Variants in CRACR2A observed in about 807,000 individuals in gnomAD.
CRACR2A encodes calcium release activated channel regulator 2A.
A neutral mutation model predicts 90.5 loss-of-function variants in CRACR2A; 79 were observed. That is an observed-to-expected ratio of 0.87 (90% CI 0.73 to 1.05). CRACR2A has a LOEUF of 1.05. Among genes scored for constraint, CRACR2A ranks in the 50% least tolerant of loss-of-function variants. The probability of loss-of-function intolerance (pLI) is 0.00; values close to 1 mark genes in which losing one functional copy is unlikely to be tolerated. For missense variants in CRACR2A, 823 were observed against 897.2 expected, an observed-to-expected ratio of 0.92 and a Z score of 1.06; for synonymous variants, 338 against 356.7, an observed-to-expected ratio of 0.95 and a Z score of 0.59.
At chr12:3,682,893 C>G (rs551735130) in intron 4 of CRACR2A, among the ~76,000 whole-genome samples, 34 of 152,070 alleles carry the variant, frequency 2.2e-4, no homozygotes, top group African/African-American at 7.0e-4. Context: ...AGTGATTCTC[C>G]TGCCACAGCC....
intron 2 of CRACR2A, among the ~76,000 whole-genome samples, chr12:3,719,037 G>A (rs1227532477): frequency 6.6e-6 from 1 of 152,176 alleles, no homozygotes; most frequent in Admixed American, 6.5e-5. Context: ...AGGGGAATTT[G>A]CTCAGGAGGC....
chr12:3,653,263 G>T (rs1294998569), intron 10 of CRACR2A, among the ~76,000 whole-genome samples: 1 of 152,200 alleles, frequency 6.6e-6, no homozygotes, highest in Non-Finnish European at 1.5e-5. Flanking sequence ...TTACAGGCGT[G>T]AGCCACCGCG....
At chr12:3,638,044 C>G in intron 14 of CRACR2A, 80 bp downstream of exon 14, 1 of 1,394,226 alleles carries the variant, frequency 7.2e-7, no homozygotes, top group South Asian at 1.5e-5. Flanking sequence ...CCTGAGCTGC[C>G]TCTCCGGGCG....
chr12:3,667,836 C>T (rs553755054), intron 7 of CRACR2A, among the ~76,000 whole-genome samples: 2 of 152,318 alleles, frequency 1.3e-5, no homozygotes, highest in South Asian at 2.1e-4. Context: ...CTCACACACA[C>T]GTGGGCGCAT....
intron 3 of CRACR2A, among the ~76,000 whole-genome samples, chr12:3,712,598 G>T (rs140614746): frequency 6.6e-6 from 1 of 152,112 alleles, no homozygotes; most frequent in African/African-American, 2.4e-5. Flanking sequence ...CCATTCATGA[G>T]GATTCACCCC....
chr12:3,728,625 T>C (rs1591716321), intron 2 of CRACR2A: 2 of 152,384 alleles, frequency 1.3e-5, no homozygotes, highest in South Asian at 4.1e-4. Context: ...ATTTCTTCAG[T>C]AGGGAAGAGG....
chr12:3,711,519 CAT>C lies in CRACR2A; in HGVS notation c.-37+1716_-37+1717del, dbSNP rs1229445045. ...TGGCCTTTCCTCTAGTGTCTAATAA[CAT>C]GTTCTTCATTTTCATCCGAGACCTC... On this transcript the variant is annotated intron_variant, in intron 3 of 19. Transcript: ENST00000440314. This position sits in a 1 kb window ranked among gnomAD's most constrained non-coding sequence, Gnocchi z 4.3. Among the ~76,000 whole-genome samples, 5 of 152,200 alleles carry C rather than the reference CAT, an allele frequency of 3.3e-5. No homozygotes were observed. The highest frequency in any genetic ancestry group is 6.5e-5 in the Admixed American group (1 of 15,280).
intron 2 of CRACR2A, among the ~76,000 whole-genome samples, chr12:3,719,537 T>C (rs1217131085): frequency 6.6e-6 from 1 of 152,220 alleles, no homozygotes; most frequent in Admixed American, 6.5e-5. Context: ...AATCAATGAT[T>C]TGTTTAAGGG....
chr12:3,644,714 A>C, intron 11 of CRACR2A, 74 bp from the exon 12 acceptor site: 1 of 1,375,262 alleles, frequency 7.3e-7, no homozygotes, highest in South Asian at 1.2e-5. Flanking sequence ...CCAATTTGCT[A>C]TTCAGATGGG....
Position 3,697,002 on chromosome 12 carries a change from C to G in CRACR2A, c.-3G>C. 2 of 1,606,656 alleles carry G rather than the reference C, an allele frequency of 1.2e-6. No individual in the cohort carries two copies. The highest frequency in any genetic ancestry group is 1.7e-5 in the Admixed American group (1 of 58,874). ...ACCCTCCCGTCAGGGGCAGCCATCG[C>G]GATTAGTCAGTTTCTTGAAGTCTTT... On this transcript the variant is annotated 5_prime_UTR_variant, in exon 4 of 20. Coordinates refer to ENST00000440314, the MANE Select transcript of CRACR2A (RefSeq NM_001144958.2).
At chr12:3,677,039 G>A (rs779276981) in intron 6 of CRACR2A, among the ~76,000 whole-genome samples, 4 of 151,946 alleles carry the variant, frequency 2.6e-5, no homozygotes, top group African/African-American at 4.8e-5. Context: ...CTGCCAAATC[G>A]CTTAGCCAAT....
Position 3,640,522 on chromosome 12 carries a change from A to G in CRACR2A, c.1271+1210T>C. On this transcript the variant is annotated intron_variant, in intron 13 of 19. Transcript: ENST00000440314. ...TCAGTAAACGTCTGCTGAATCAATC[A>G]ATCAATCCATTCCATTCTGAGGAAC... 3 of 1,221,314 alleles carry G rather than the reference A, an allele frequency of 2.5e-6. No individual in the cohort carries two copies. The South Asian group carries it at 4.4e-5, about 18-fold the overall frequency. The allele number at this position is 1,221,314 out of a possible 1,614,324, so 75.7% of individuals were successfully genotyped here.
chr12:3,694,927 A>C (rs953638449), intron 4 of CRACR2A, among the ~76,000 whole-genome samples: 2 of 152,212 alleles, frequency 1.3e-5, no homozygotes, highest in Non-Finnish European at 1.5e-5. Context: ...TCCTGCCTGG[A>C]TCAGGAGTGA....
chr12:3,684,152 A>G (rs1461012196), intron 4 of CRACR2A, among the ~76,000 whole-genome samples: 2 of 152,218 alleles, frequency 1.3e-5, no homozygotes, highest in Admixed American at 1.3e-4. Flanking sequence ...GGAAAAAATC[A>G]GAGGATATCC....
chr12:3,616,965 G>A lies in CRACR2A; in HGVS notation c.2100C>T (p.Leu700=), dbSNP rs1484275618. The A allele has an allele frequency of 1.3e-6, 2 of 1,551,224 alleles. No individual in the cohort carries two copies. Among genetic ancestry groups the A allele is most frequent in the Non-Finnish European group, 1.7e-6 (2 of 1,146,658 alleles). ...YSGHNTKESL[L]HLARFLKEQE... is the part of the protein sequence containing the mutation. ...GCACATCTCTTTACCTGGCCAGATGGAGCAGGGACTCTTTGGTGTTGTGAC... is the reference window on the plus strand; with the variant it reads ...GCACATCTCTTTACCTGGCCAGATGAAGCAGGGACTCTTTGGTGTTGTGAC... Residue 700 remains leucine, a synonymous_variant, in exon 19 of 20, where the codon CTC becomes CTT. Transcript: ENST00000440314.
At chr12:3,689,279 A>G (rs1591688957) in intron 4 of CRACR2A, among the ~76,000 whole-genome samples, 1 of 152,182 alleles carries the variant, frequency 6.6e-6, no homozygotes, top group South Asian at 2.1e-4. Flanking sequence ...CTGGTTTTCA[A>G]GGGGAATGCT....
chr12:3,641,547 AT>A (rs1305654749), intron 13 of CRACR2A, among the ~76,000 whole-genome samples, 184 bp downstream of exon 13: 1 of 152,158 alleles, frequency 6.6e-6, no homozygotes, highest in African/African-American at 2.4e-5. Flanking sequence ...TGCTCTGCAC[AT>A]TCCCCCTCTG....
At chr12:3,718,234 T>C (rs762434786) in intron 2 of CRACR2A, among the ~76,000 whole-genome samples, 1 of 152,200 alleles carries the variant, frequency 6.6e-6, no homozygotes, top group Non-Finnish European at 1.5e-5. Context: ...GATAGTACAG[T>C]GTTGTTCCCT....
intron 13 of CRACR2A, among the ~76,000 whole-genome samples, chr12:3,639,113 C>T (rs1011023718): frequency 7.2e-5 from 11 of 152,214 alleles, no homozygotes; most frequent in Non-Finnish European, 7.3e-5. Flanking sequence ...CCAGACATAG[C>T]AGGTCTGCTG....
Sources: gnomAD v4.1 joint callset for allele counts (sites outside exome capture counted in the v4.1 genomes callset) on GRCh38, gnomAD v4.1.1 for gene constraint, Gnocchi (gnomAD v3.1) non-coding constraint, MANE v1.5 for transcripts, NCBI Gene and HGNC (gene_info 2026-07-23, HGNC 2026-07-21) for gene names.